The following FFAR1 variants were observed in gnomAD, a reference collection of about 807,000 sequenced individuals.
FFAR1 encodes the protein G-protein coupled receptor 40.
For synonymous variants in FFAR1, 216 were observed against 201.5 expected (o/e 1.07, Z -0.61); for missense variants, 424 against 396.2 (o/e 1.07, Z -0.60).
rs572675476 is a variant in FFAR1 at position 35,351,821 on chromosome 19, C to G, written c.270C>G (p.Leu90=). The G allele has an allele frequency of 1.9e-6, 3 of 1,609,478 alleles. No homozygotes were observed. In the African/African-American group the frequency reaches 4.0e-5, roughly 21 times the overall value. The change falls in exon 1 of 1, where the codon CTC becomes CTG. Residue 90 remains leucine, a synonymous_variant. Transcript: ENST00000246553. ...TCGCGGTGGCCCACTTCTTCCCACT[C>G]TATGCCGGCGGGGGCTTCCTGGCCG...
upstream of FFAR1, among the ~76,000 whole-genome samples, chr19:35,351,240 CCTGTGCG>C (rs2066942819): frequency 6.6e-6 from 1 of 152,194 alleles, no homozygotes; most frequent in Non-Finnish European, 1.5e-5. Flanking sequence ...TCCTCTGGGA[CCTGTGCG>C]CCACATCCTA....
chr19:35,352,235 G>A, exon 1 of FFAR1: 2 of 1,563,832 alleles, frequency 1.3e-6, no homozygotes, highest in Non-Finnish European at 1.7e-6. Flanking sequence ...TGGCCGGCGG[G>A]GCCCTCCTCA....
chr19:35,353,362 G>C (rs2066953431), exon 1 of FFAR1: 1 of 152,262 alleles, frequency 6.6e-6, no homozygotes, highest in Middle Eastern at 3.4e-3. Context: ...GGTGGTGCGT[G>C]CCTGTAGTCC....
exon 1 of FFAR1, chr19:35,352,242 C>T: frequency 1.3e-6 from 2 of 1,558,854 alleles, no homozygotes; most frequent in Non-Finnish European, 1.7e-6. Flanking sequence ...CGGGGCCCTC[C>T]TCACGCTGCT....
chr19:35,352,191 C>G (rs1334656355), exon 1 of FFAR1: 1 of 1,603,058 alleles, frequency 6.2e-7, no homozygotes, highest in Non-Finnish European at 8.5e-7. Context: ...CCGCTCCGGC[C>G]TGACGCACAG....
upstream of FFAR1, among the ~76,000 whole-genome samples, chr19:35,350,270 A>C (rs1228040023): frequency 6.6e-6 from 1 of 152,170 alleles, no homozygotes; most frequent in East Asian, 1.9e-4. Flanking sequence ...GCAGAGGGAG[A>C]ACAGAGGGGC....
chr19:35,352,048 G>A, exon 1 of FFAR1: 1 of 1,613,792 alleles, frequency 6.2e-7, no homozygotes, highest in South Asian at 1.1e-5. Flanking sequence ...CCGGTCAACG[G>A]CTCTCCGGTC....
chr19:35,351,751 T>C, exon 1 of FFAR1: 2 of 1,564,618 alleles, frequency 1.3e-6, no homozygotes, highest in Admixed American at 3.8e-5. Flanking sequence ...GTGGAGGCGC[T>C]AGCCTCCGGG....
chr19:35,351,441 G>A (rs2066943765), upstream of FFAR1: 5 of 936,190 alleles, frequency 5.3e-6, no homozygotes, highest in East Asian at 1.1e-4. Context: ...TCTCCACACA[G>A]GGCTGGAACC....
upstream of FFAR1, among the ~76,000 whole-genome samples, chr19:35,351,319 C>T (rs1276214582): frequency 6.6e-6 from 1 of 152,172 alleles, no homozygotes; most frequent in South Asian, 2.1e-4. Flanking sequence ...AGAGAAAGCA[C>T]AGGACTGGGG....
At position 35,351,838 on chromosome 19, in the gene FFAR1, TC is replaced by T. The variant is rs1255960320; in HGVS notation, c.289del (p.Leu97TrpfsTer4). On this transcript the variant is annotated frameshift_variant, in exon 1 of 1. Coordinates refer to ENST00000246553, the Ensembl canonical transcript of FFAR1. LOFTEE classifies it low-confidence loss of function (END_TRUNC). ...TTCCCACTCTATGCCGGCGGGGGCT[TC>T]CTGGCCGCCCTGAGTGCAGGCCGCT... 3.1e-6 allele frequency: 5 copies of T among 1,611,668 alleles called. No homozygotes were observed. The African/African-American group carries it at 5.3e-5, about 17-fold the overall frequency.
At chr19:35,348,062 C>T (rs2066928241), upstream of FFAR1, among the ~76,000 whole-genome samples, 5 of 152,238 alleles carry the variant, frequency 3.3e-5, no homozygotes, top group Non-Finnish European at 7.3e-5. Flanking sequence ...GCCCATTCTC[C>T]TTAGAGGGCA....
chr19:35,352,640 C>A, exon 1 of FFAR1: 1 of 648,380 alleles, frequency 1.5e-6, no homozygotes, highest in Non-Finnish European at 2.6e-6. Flanking sequence ...CGAGCCAGAG[C>A]ACGGTGGCAG....
upstream of FFAR1, chr19:35,351,521 C>G: frequency 6.5e-7 from 1 of 1,535,992 alleles, no homozygotes; most frequent in Non-Finnish European, 8.7e-7. Flanking sequence ...AGGTTGCACA[C>G]AGGAGCCGTG....
At chr19:35,348,548 G>A (rs959778884), upstream of FFAR1, among the ~76,000 whole-genome samples, 9 of 152,182 alleles carry the variant, frequency 5.9e-5, no homozygotes, top group Admixed American at 5.2e-4. Flanking sequence ...GCGGTGAGCC[G>A]AGATCACGCC....
At chr19:35,350,805 G>A (rs760485490), upstream of FFAR1, among the ~76,000 whole-genome samples, 1 of 152,148 alleles carries the variant, frequency 6.6e-6, no homozygotes, top group Non-Finnish European at 1.5e-5. Flanking sequence ...TGAGGGGACT[G>A]CTGAGCCTCA....
Position 35,351,780 on chromosome 19 carries a change from TCGCTGTG to T in FFAR1, c.231_237del (p.Leu78ProfsTer21). The T allele has an allele frequency of 6.3e-7, 1 of 1,582,648 alleles. No individual in the cohort carries two copies. The highest frequency in any genetic ancestry group is 8.6e-7 in the Non-Finnish European group (1 of 1,166,886). On this transcript the variant is annotated frameshift_variant, in exon 1 of 1. Coordinates refer to ENST00000246553, the Ensembl canonical transcript of FFAR1. LOFTEE classifies it low-confidence loss of function (END_TRUNC). The stretch of plus-strand genomic sequence containing the variant: ...CTCCGGGGCCTGGCCTCTGCCGGCC[TCGCTGTG>T]CCCCGTCTTCGCGGTGGCCCACTTC...
exon 1 of FFAR1, chr19:35,352,021 C>T: frequency 6.2e-7 from 1 of 1,614,130 alleles, no homozygotes; most frequent in Non-Finnish European, 8.5e-7. Flanking sequence ...AGCAACACCT[C>T]CCTGGGCATC....
In FFAR1 at chr19:35,352,063, T is replaced by C. The variant is rs1435029602; in HGVS notation, c.512T>C (p.Leu171Pro). 2.5e-6 allele frequency: 4 copies of C among 1,613,474 alleles called. No homozygotes were observed. Among genetic ancestry groups the C allele is most frequent in the Non-Finnish European group, 3.4e-6 (4 of 1,179,964 alleles). ...CCGGTCAACGGCTCTCCGGTCTGCC[T>C]GGAGGCCTGGGACCCGGCCTCTGCC... Residue 171 changes from leucine to proline, a missense_variant, in exon 1 of 1, where the codon CTG becomes CCG. Transcript: ENST00000246553.
Sources: allele counts gnomAD v4.1 joint callset (sites outside exome capture counted in the v4.1 genomes callset), GRCh38; gene constraint gnomAD v4.1.1; transcripts MANE v1.5; gene names NCBI Gene and HGNC (gene_info 2026-07-23, HGNC 2026-07-21).